SRRM3: variants seen among roughly 807,000 people sequenced by gnomAD.
SRRM3 encodes serine/arginine repetitive matrix 3, also known as serine/arginine repetitive matrix protein 3.
In SRRM3, 27 loss-of-function variants were observed where a neutral mutation model predicts 66.2. The observed-to-expected ratio is 0.41, with a 90% CI of 0.30 to 0.56. The LOEUF (loss-of-function observed/expected upper bound fraction) is 0.56, where lower values mean the gene tolerates loss of function less well. SRRM3 is among the 20% of genes least tolerant of loss of function. SRRM3 has a pLI of 0.32. For missense variants in SRRM3, 918 were observed against 991.9 expected (o/e 0.93, Z 1.00); for synonymous variants, 391 against 414.9 (o/e 0.94, Z 0.70).
rs1436845920 is a variant in SRRM3, at chr7:76,278,600, C to T, written c.1009-2841C>T. Among the ~76,000 whole-genome samples, 6 of 152,166 alleles carry T rather than the reference C, an allele frequency of 3.9e-5. No homozygotes were observed. The East Asian group carries it at 5.8e-4, about 15-fold the overall frequency. The stretch of plus-strand genomic sequence containing the variant: ...AGAGTCAGGGGTGCTCAGAGGGGCA[C>T]CCCAAAACCAGGAAATATCCATTGT... On this transcript the variant is annotated intron_variant, in intron 11 of 14. Coordinates refer to ENST00000611745, the MANE Select transcript of SRRM3 (RefSeq NM_001110199.3).
chr7:76,205,916 G>A lies in SRRM3; in HGVS notation c.-40+3849G>A, dbSNP rs1554601099. ...TCAACCTCTAATGATGGAACTGCAG[G>A]CTTCCTGACATACAGATTTATAGGA... On this transcript the variant is annotated intron_variant, in intron 1 of 14. Transcript: ENST00000611745. Among the ~76,000 whole-genome samples the A allele has an allele frequency of 2.6e-5, 4 of 152,326 alleles. No homozygotes were observed. In the South Asian group the frequency reaches 6.2e-4, roughly 24 times the overall value.
chr7:76,264,517 C>A (rs533350929), intron 8 of SRRM3, among the ~76,000 whole-genome samples: 65 of 152,312 alleles, frequency 4.3e-4, no homozygotes, highest in Middle Eastern at 3.4e-3. Context: ...CCCTCCCAGA[C>A]TGGGCAGCAT....
rs1004385693 is a variant in SRRM3 at position 76,234,300 on chromosome 7, G to A, written c.-39-728G>A. On this transcript the variant is annotated intron_variant, in intron 1 of 14. Transcript: ENST00000611745. ...GCCAAGTTGACTCCCACCCCACCCC[G>A]AGCCTACAGGAGGACGTGGCTGCCT... 4.0e-5 allele frequency among the ~76,000 whole-genome samples: 6 copies of A among 151,880 alleles called. No individual in the cohort carries two copies. In the South Asian group the frequency reaches 1.2e-3, roughly 32 times the overall value.
chr7:76,281,913 G>C, intron 12 of SRRM3, 111 bp downstream of exon 12: 1 of 863,152 alleles, frequency 1.2e-6, no homozygotes, highest in East Asian at 7.9e-5. Flanking sequence ...CTACCCTCCA[G>C]GGATCCCAAC....
chr7:76,258,478 G>C (rs887642375), intron 3 of SRRM3, among the ~76,000 whole-genome samples: 1 of 151,930 alleles, frequency 6.6e-6, no homozygotes, highest in East Asian at 1.9e-4. Context: ...ACGTTGGGAG[G>C]CCAAGGTGGG....
At position 76,223,820 on chromosome 7, in the gene SRRM3, GCCTTCCCTTCCCTTCCCTTCCCTTC is replaced by G. The variant is rs1238913750; in HGVS notation, c.-39-11159_-39-11135del. ...GGATCTTAACATGCCCTTGGCTTTT[GCCTTCCCTTCCCTTCCCTTCCCTTC>G]CCTTCCCTTCCCTTCCCTTCCCTTC... On this transcript the variant is annotated intron_variant, in intron 1 of 14. Transcript: ENST00000611745. Among the ~76,000 whole-genome samples the G allele has an allele frequency of 4.1e-3, 211 of 51,624 alleles. 2 individuals are homozygous for G. Among genetic ancestry groups the G allele is most frequent in the Middle Eastern group, 0.01 (1 of 96 alleles). The allele number at this position is 51,624 out of a possible 152,430, so 33.9% of individuals were successfully genotyped here.
At chr7:76,210,906 G>A (rs371339233) in intron 1 of SRRM3, among the ~76,000 whole-genome samples, 58 of 152,080 alleles carry the variant, frequency 3.8e-4, no homozygotes, top group Admixed American at 1.0e-3. Flanking sequence ...AGGTTCAAGC[G>A]ATTCTCCTGC....
chr7:76,256,779 G>A (rs1337380367), intron 3 of SRRM3, among the ~76,000 whole-genome samples: 1 of 146,538 alleles, frequency 6.8e-6, no homozygotes. Context: ...GCATGATCTC[G>A]GCTCACTGCA....
intron 10 of SRRM3, among the ~76,000 whole-genome samples, chr7:76,267,034 C>T (rs1554609814): frequency 6.6e-6 from 1 of 152,116 alleles, no homozygotes; most frequent in Non-Finnish European, 1.5e-5. Context: ...AAGAGCTGCC[C>T]TAAGGCCCCT....
chr7:76,222,060 G>A (rs1800737264), intron 1 of SRRM3, among the ~76,000 whole-genome samples: 1 of 152,146 alleles, frequency 6.6e-6, no homozygotes, highest in African/African-American at 2.4e-5. Context: ...GATCGGCACG[G>A]GTCTGTCTTG....
intron 1 of SRRM3, among the ~76,000 whole-genome samples, chr7:76,211,855 T>TTAC (rs1305940663): frequency 7.0e-6 from 1 of 142,912 alleles, no homozygotes; most frequent in Non-Finnish European, 1.5e-5. Flanking sequence ...ATTATTATTA[T>TTAC]TAGAGACTAG....
rs111536278 is a variant in SRRM3 at position 76,279,588 on chromosome 7, T to G, written c.1009-1853T>G. Among the ~76,000 whole-genome samples, 268 of 150,146 alleles carry G rather than the reference T, an allele frequency of 1.8e-3. 9 individuals carry two copies. In the South Asian group the frequency reaches 0.035, roughly 20 times the overall value. On this transcript the variant is annotated intron_variant, in intron 11 of 14. Coordinates refer to ENST00000611745, the MANE Select transcript of SRRM3 (RefSeq NM_001110199.3). The stretch of plus-strand genomic sequence containing the variant: ...AGGGAGACAGGGAGGGCGGGCAGGG[T>G]GCATGCAGAGAATCCTGGAATCTTT...
At chr7:76,282,191 A>G (rs1802535802) in intron 12 of SRRM3, among the ~76,000 whole-genome samples, 1 of 145,662 alleles carries the variant, frequency 6.9e-6, no homozygotes, top group South Asian at 2.2e-4. Flanking sequence ...ACTGACCTCC[A>G]AACTCCAGGG....
chr7:76,213,981 G>A (rs1800497445), intron 1 of SRRM3, among the ~76,000 whole-genome samples: 2 of 151,928 alleles, frequency 1.3e-5, no homozygotes, highest in South Asian at 4.2e-4. Context: ...GTCTCACCAT[G>A]TAGCCCAGGC....
chr7:76,249,843 G>C (rs1047764653), intron 3 of SRRM3, among the ~76,000 whole-genome samples: 5 of 152,074 alleles, frequency 3.3e-5, no homozygotes, highest in Admixed American at 2.0e-4. Context: ...ACCCGCCTCA[G>C]AACAGAGTGA....
At chr7:76,263,031 T>C (rs1021571079) in intron 8 of SRRM3, among the ~76,000 whole-genome samples, 13 of 152,076 alleles carry the variant, frequency 8.5e-5, no homozygotes, top group Non-Finnish European at 1.9e-4. Context: ...GGAGCCTACA[T>C]AAACACCTAA....
At chr7:76,284,172 C>CTTTTTT (rs61170781) in intron 14 of SRRM3, among the ~76,000 whole-genome samples, 1 of 134,626 alleles carries the variant, frequency 7.4e-6, no homozygotes, top group African/African-American at 2.7e-5. Context: ...GCTACTGCTT[C>CTTTTTT]TTTTTTTTTT....
At chr7:76,239,319 C>A (rs1800698944) in intron 2 of SRRM3, among the ~76,000 whole-genome samples, 1 of 152,198 alleles carries the variant, frequency 6.6e-6, no homozygotes, top group African/African-American at 2.4e-5. Context: ...CAGGTGTGAA[C>A]CACCGCACCC....
chr7:76,282,584 C>CCCCCCCCCCCCCCCCCCCTCCCCCCAAA, intron 12 of SRRM3, 64 bp from the exon 13 acceptor site: 1 of 868,338 alleles, frequency 1.2e-6, no homozygotes. Flanking sequence ...CCAGGGAACC[C>CCCCCCCCCCCCCCCCCCCTCCCCCCAAA]TCCCCGCCCC....
Sources: gnomAD v4.1 joint callset for allele counts (sites outside exome capture counted in the v4.1 genomes callset) on GRCh38, gnomAD v4.1.1 for gene constraint, MANE v1.5 for transcripts, NCBI Gene and HGNC (gene_info 2026-07-23, HGNC 2026-07-21) for gene names.